Variants in MNDA observed in about 807,000 individuals in gnomAD.
MNDA encodes the protein myeloid cell nuclear differentiation antigen, also known as epididymis secretory sperm binding protein.
A neutral mutation model predicts 37.8 loss-of-function variants in MNDA; 43 were observed. That is an observed-to-expected ratio of 1.14 (90% CI 0.89 to 1.47). MNDA has a LOEUF of 1.47. Ranked by LOEUF, MNDA falls within the 40% of genes most tolerant of loss-of-function variation. The pLI, the probability that MNDA is intolerant of heterozygous loss-of-function variation, is 0.00. For missense variants in MNDA, 536 were observed against 476.0 expected (o/e 1.13, Z -1.17); for synonymous variants, 181 against 169.0 (o/e 1.07, Z -0.55).
At chr1:158,848,920 TG>T (rs1458818302) in intron 6 of MNDA, among the ~76,000 whole-genome samples, 1 of 151,964 alleles carries the variant, frequency 6.6e-6, no homozygotes, top group Non-Finnish European at 1.5e-5. Flanking sequence ...TAAAAAAAAA[TG>T]GGTAGTTGGT....
At chr1:158,838,308 G>T (rs1658962834) in intron 1 of MNDA, among the ~76,000 whole-genome samples, 1 of 151,868 alleles carries the variant, frequency 6.6e-6, no homozygotes, top group Non-Finnish European at 1.5e-5. Flanking sequence ...GTTTATCTGG[G>T]AATGTCTTAA....
Position 158,839,087 on chromosome 1 carries a change from A to G in MNDA, c.-20-3047A>G, listed in dbSNP as rs1658980477. The stretch of plus-strand genomic sequence containing the variant: ...GTCTGAGGGCTGTGTTTCTTTAGAG[A>G]AAGTTTGTGGAGATTCATTTTTTTC... On this transcript the variant is annotated intron_variant, in intron 1 of 6. Transcript: ENST00000368141. Among the ~76,000 whole-genome samples the G allele has an allele frequency of 2.0e-5, 3 of 152,040 alleles. No individual in the cohort carries two copies. In the South Asian group the frequency reaches 6.2e-4, roughly 31 times the overall value.
chr1:158,836,125 G>T lies in MNDA; in HGVS notation c.-21+4568G>T, dbSNP rs980703567. Reference sequence around the variant, plus strand: ...TAAATTTAACGTGCTATATAATTATGTTCGCTAGCATTTTGTAAAAAAAAA... The same window carrying T: ...TAAATTTAACGTGCTATATAATTATTTTCGCTAGCATTTTGTAAAAAAAAA... On this transcript the variant is annotated intron_variant, in intron 1 of 6. Transcript: ENST00000368141. Among the ~76,000 whole-genome samples, 3 of 144,678 alleles carry T rather than the reference G, an allele frequency of 2.1e-5. No homozygotes were observed. The East Asian group carries it at 6.3e-4, about 30-fold the overall frequency. The allele number at this position is 144,678 out of a possible 152,430, so 94.9% of individuals were successfully genotyped here.
intron 1 of MNDA, among the ~76,000 whole-genome samples, chr1:158,832,912 T>G (rs1040455256): frequency 1.3e-5 from 2 of 152,144 alleles, no homozygotes; most frequent in Non-Finnish European, 2.9e-5. Flanking sequence ...GGTATATATT[T>G]TAACTTGGTT....
chr1:158,843,847 T>TC (rs1475786629), intron 3 of MNDA, 108 bp from the exon 4 acceptor site: 5 of 957,908 alleles, frequency 5.2e-6, no homozygotes, highest in Non-Finnish European at 7.6e-6. Context: ...TCCAAGGACA[T>TC]CCCATCCAAC....
intron 1 of MNDA, among the ~76,000 whole-genome samples, chr1:158,835,890 AT>A (rs544062636): frequency 5.0e-4 from 72 of 145,452 alleles, no homozygotes; most frequent in Admixed American, 9.5e-4. Context: ...TGAGATGATC[AT>A]TTTTTTTTTG....
intron 1 of MNDA, among the ~76,000 whole-genome samples, chr1:158,834,501 G>A (rs1658870508): frequency 6.6e-6 from 1 of 152,152 alleles, no homozygotes; most frequent in Non-Finnish European, 1.5e-5. Context: ...GGAGTTGGCT[G>A]TATATTCTGG....
intron 1 of MNDA, among the ~76,000 whole-genome samples, chr1:158,841,712 T>C (rs1011154011): frequency 3.9e-4 from 2 of 5,090 alleles, no homozygotes; most frequent in African/African-American, 4.0e-3. Context: ...TAGGCCACTT[T>C]GGTCATAGTG....
chr1:158,841,252 C>A (rs574954186), intron 1 of MNDA, among the ~76,000 whole-genome samples: 1 of 152,222 alleles, frequency 6.6e-6, no homozygotes, highest in South Asian at 2.1e-4. Flanking sequence ...AAGTAACAGA[C>A]ACACACAAAA....
intron 5 of MNDA, 108 bp from the exon 6 acceptor site, chr1:158,847,620 C>T: frequency 5.8e-6 from 6 of 1,027,268 alleles, no homozygotes; most frequent in Non-Finnish European, 7.1e-6. Context: ...ATGATCTGTA[C>T]CTGTCATTCC....
In MNDA at chr1:158,845,699, C is replaced by T. The variant is rs550912459; in HGVS notation, c.683C>T (p.Pro228Leu). 2 of 1,614,034 alleles carry T rather than the reference C, an allele frequency of 1.2e-6. No homozygotes were observed. The highest frequency in any genetic ancestry group is 1.3e-5 in the African/African-American group (1 of 75,004). Residue 228 changes from proline (P) to leucine (L), a missense_variant, in exon 5 of 7, where the codon CCA becomes CTA. By Grantham distance (98) the Pro-to-Leu change is moderately conservative. Coordinates refer to ENST00000368141, the MANE Select transcript of MNDA (RefSeq NM_002432.3). ...ACAGCGCCATTTAAATACGAGTCCCCAGAAAATGGGAAAAGCACAATGTTT... is the reference window on the plus strand; with the variant it reads ...ACAGCGCCATTTAAATACGAGTCCCTAGAAAATGGGAAAAGCACAATGTTT... ...KATAPFKYES[P>L]ENGKSTMFHA... is the part of the protein sequence containing the mutation.
intron 1 of MNDA, among the ~76,000 whole-genome samples, chr1:158,835,882 A>ATT (rs1658902535): frequency 6.6e-6 from 1 of 151,904 alleles, no homozygotes; most frequent in South Asian, 2.1e-4. Context: ...GCATCAATTG[A>ATT]GATGATCATT....
chr1:158,843,829 C>T (rs2102050571), intron 3 of MNDA, 126 bp from the exon 4 acceptor site: 2 of 789,780 alleles, frequency 2.5e-6, no homozygotes, highest in South Asian at 1.9e-5. Context: ...TTGTAATTCC[C>T]TGGGGTTTCC....
chr1:158,849,064 A>C, intron 6 of MNDA, 126 bp from the exon 7 acceptor site: 1 of 576,192 alleles, frequency 1.7e-6, no homozygotes, highest in Non-Finnish European at 2.9e-6. Flanking sequence ...ACGAGCTTTC[A>C]TAGGGGATAA....
At chr1:158,848,958 T>G (rs1336122949) in intron 6 of MNDA, among the ~76,000 whole-genome samples, 1 of 152,146 alleles carries the variant, frequency 6.6e-6, no homozygotes, top group African/African-American at 2.4e-5. Flanking sequence ...GAAGTTTATT[T>G]CAAAAATCCA....
chr1:158,845,737 G>T lies in MNDA; in HGVS notation c.721G>T (p.Ala241Ser). Residue 241 changes from alanine to serine, a missense_variant, in exon 5 of 7, where the codon GCC becomes TCC. Transcript: ENST00000368141. Reference sequence around the variant, plus strand: ...AAGCACAATGTTTCATGCTACAGTGGCCAGTAAGACTCAATATTTCCATGT... The same window carrying T: ...AAGCACAATGTTTCATGCTACAGTGTCCAGTAAGACTCAATATTTCCATGT... ...GKSTMFHATV[A>S]SKTQYFHVKV... 1.2e-6 allele frequency: 2 copies of T among 1,614,124 alleles called. No homozygotes were observed. The highest frequency in any genetic ancestry group is 1.7e-6 in the Non-Finnish European group (2 of 1,180,028).
At chr1:158,841,766 A>G (rs1463458616) in intron 1 of MNDA, among the ~76,000 whole-genome samples, 1 of 152,030 alleles carries the variant, frequency 6.6e-6, no homozygotes, top group African/African-American at 2.4e-5. Context: ...AGAATCAGGA[A>G]CCAAGAGGTA....
At chr1:158,848,378 G>A (rs1659182904) in intron 6 of MNDA, among the ~76,000 whole-genome samples, 1 of 134,674 alleles carries the variant, frequency 7.4e-6, no homozygotes, top group African/African-American at 2.9e-5. Flanking sequence ...ATCTGTGGTA[G>A]ATAGTTTTAT....
In MNDA at chr1:158,837,163, G is replaced by A. The variant is rs75999233; in HGVS notation, c.-20-4971G>A. 4.7e-3 allele frequency among the ~76,000 whole-genome samples: 714 copies of A among 151,958 alleles called. 4 individuals carry two copies. Among genetic ancestry groups the A allele is most frequent in the African/African-American group, 0.017 (690 of 41,530 alleles). ...TTCCATATGTTCGTGTGAAAAATGT[G>A]TATTCTACTGTTGTTGGCTTTACTG... On this transcript the variant is annotated intron_variant, in intron 1 of 6. Transcript: ENST00000368141.
Sources: gnomAD v4.1 joint callset for allele counts (sites outside exome capture counted in the v4.1 genomes callset) on GRCh38, gnomAD v4.1.1 for gene constraint, MANE v1.5 for transcripts, NCBI Gene and HGNC (gene_info 2026-07-23, HGNC 2026-07-21) for gene names.